The following PCDH15 variants were observed in gnomAD, a reference collection of about 807,000 sequenced individuals.
PCDH15 encodes protocadherin-15.
In PCDH15, 129 loss-of-function variants were observed where a neutral mutation model predicts 178.5. The observed-to-expected ratio is 0.72, with a 90% CI of 0.63 to 0.84. PCDH15 has a LOEUF of 0.84. PCDH15 is among the 40% of genes least tolerant of loss of function. PCDH15 has a pLI of 0.00. For synonymous variants in PCDH15, 800 were observed against 732.0 expected (o/e 1.09, Z -1.50); for missense variants, 2,230 against 2,099.9 (o/e 1.06, Z -1.21).
chr10:53,807,266 G>C, intron 37 of PCDH15, 136 bp from the exon 38 acceptor site: 37 of 655,846 alleles, frequency 5.6e-5, no homozygotes, highest in Non-Finnish European at 8.7e-5. Flanking sequence ...ATAGAAGGAA[G>C]CCAGTCTTTA....
At chr10:54,834,833 G>T (rs531117947) in intron 3 of PCDH15, among the ~76,000 whole-genome samples, 60 of 152,244 alleles carry the variant, frequency 3.9e-4, no homozygotes, top group African/African-American at 1.4e-3. Flanking sequence ...AAGTGGCAAT[G>T]TTGTTTCTAA....
intron 2 of PCDH15, among the ~76,000 whole-genome samples, chr10:55,090,693 C>T (rs117016019): frequency 7.8e-4 from 118 of 152,030 alleles, no homozygotes; most frequent in Non-Finnish European, 1.4e-3. Context: ...TCAACAAACA[C>T]GCAATGTGAG....
At position 54,268,170 on chromosome 10, in the gene PCDH15, A is replaced by G. The variant is rs1027155961; in HGVS notation, c.877-31239T>C. ...CTTTAACATAATTGATAAAAATGCA[A>G]TAGGGAAAGGATACCCTATTCAATT... is the stretch of plus-strand genomic sequence containing the variant. On this transcript the variant is annotated intron_variant, in intron 8 of 37. Transcript: ENST00000644397. 7.2e-5 allele frequency among the ~76,000 whole-genome samples: 11 copies of G among 151,966 alleles called. No individual in the cohort carries two copies. The East Asian group carries it at 1.9e-3, about 27-fold the overall frequency.
intron 7 of PCDH15, among the ~76,000 whole-genome samples, chr10:54,322,193 T>C (rs986125322): frequency 6.6e-6 from 1 of 151,914 alleles, no homozygotes; most frequent in Non-Finnish European, 1.5e-5. Flanking sequence ...ACATTCTAAA[T>C]TGTGAGTGGT....
At chr10:54,566,914 T>C (rs1238223161) in intron 2 of PCDH15, among the ~76,000 whole-genome samples, 1 of 152,218 alleles carries the variant, frequency 6.6e-6, no homozygotes, top group Non-Finnish European at 1.5e-5. Context: ...TTTCAGATTG[T>C]CTTCCAAAGG....
chr10:54,876,199 G>A (rs1329112216), intron 3 of PCDH15, among the ~76,000 whole-genome samples: 1 of 151,972 alleles, frequency 6.6e-6, no homozygotes, highest in Non-Finnish European at 1.5e-5. Flanking sequence ...TCCACAGCAT[G>A]GTTTACTGAA....
At chr10:55,600,953 C>T (rs1187140637) in intron 2 of PCDH15, among the ~76,000 whole-genome samples, 3 of 152,002 alleles carry the variant, frequency 2.0e-5, no homozygotes, top group Non-Finnish European at 2.9e-5. Context: ...ATATTTTCAG[C>T]CATATTTATG....
chr10:54,101,298 A>C (rs2094807631), intron 15 of PCDH15, among the ~76,000 whole-genome samples: 1 of 152,194 alleles, frequency 6.6e-6, no homozygotes, highest in African/African-American at 2.4e-5. Flanking sequence ...TAAATTGCCC[A>C]GTCTCTGGTA....
intron 2 of PCDH15, among the ~76,000 whole-genome samples, chr10:55,143,129 C>T (rs1425921627): frequency 1.3e-5 from 2 of 152,074 alleles, no homozygotes. Context: ...TGCCTTGCTT[C>T]CCCTTTACCT....
intron 10 of PCDH15, among the ~76,000 whole-genome samples, chr10:54,211,785 AGAG>A (rs1393896835): frequency 6.6e-6 from 1 of 152,218 alleles, no homozygotes; most frequent in African/African-American, 2.4e-5. Context: ...GATTTACTAT[AGAG>A]GAGAACTGCC....
At chr10:55,413,838 T>G (rs1052858170) in intron 2 of PCDH15, among the ~76,000 whole-genome samples, 6 of 151,516 alleles carry the variant, frequency 4.0e-5, no homozygotes, top group Admixed American at 4.0e-4. Context: ...CTGAATAAAA[T>G]AAAAATCACA....
At chr10:54,109,581 C>T (rs975515947) in intron 15 of PCDH15, among the ~76,000 whole-genome samples, 2 of 152,008 alleles carry the variant, frequency 1.3e-5, no homozygotes, top group Admixed American at 1.3e-4. Flanking sequence ...GGAAATAAGC[C>T]AGGCACAGAA....
In PCDH15 at chr10:54,527,851, G is replaced by A; in HGVS notation, c.118C>T (p.Pro40Ser). The A allele has an allele frequency of 1.2e-6, 2 of 1,612,114 alleles. No individual in the cohort carries two copies. Among genetic ancestry groups the A allele is most frequent in the Non-Finnish European group, 1.7e-6 (2 of 1,178,598 alleles). The change falls in exon 3 of 38, where the codon CCA becomes TCA. Residue 40 changes from proline to serine, a missense_variant. Pro to Ser is a moderately conservative substitution (Grantham distance 74). Transcript: ENST00000644397. Reference protein sequence around the residue: ...DDCKLARGGPPATIVAIDEES... With the variant: ...DDCKLARGGPSATIVAIDEES... ...TCATCAATAGCAACTATGGTAGCTG[G>A]TGGTCCTCCCCTAGCTAGTTTGCAA...
intron 21 of PCDH15, among the ~76,000 whole-genome samples, chr10:53,968,320 G>T (rs925541111): frequency 2.6e-5 from 4 of 152,160 alleles, no homozygotes; most frequent in African/African-American, 9.7e-5. Flanking sequence ...ATCCACCATT[G>T]CTGAGGCTTG....
rs1021940911 is a variant in PCDH15, at chr10:53,999,616, G to C, written c.2752-3851C>G. ...CTGGCAGTACTCCCCAAGGGTCTTTGATAGTGGCACAGGGTAAGGCTCCTC... is the reference window on the plus strand; with the variant it reads ...CTGGCAGTACTCCCCAAGGGTCTTTCATAGTGGCACAGGGTAAGGCTCCTC... On this transcript the variant is annotated intron_variant, in intron 20 of 37. Coordinates refer to ENST00000644397, the MANE Select transcript of PCDH15 (RefSeq NM_001384140.1). Among the ~76,000 whole-genome samples the C allele has an allele frequency of 3.3e-5, 5 of 152,284 alleles. No individual in the cohort carries two copies. The East Asian group carries it at 9.7e-4, about 29-fold the overall frequency.
chr10:54,172,391 T>C (rs550513866), intron 13 of PCDH15, among the ~76,000 whole-genome samples: 5 of 151,910 alleles, frequency 3.3e-5, no homozygotes, highest in South Asian at 2.1e-4. Context: ...GGCCCCACCC[T>C]TATCTCCCTT....
intron 19 of PCDH15, among the ~76,000 whole-genome samples, chr10:54,022,571 G>C: frequency 6.6e-6 from 1 of 151,926 alleles, no homozygotes; most frequent in East Asian, 1.9e-4. Flanking sequence ...ATTAACTTTT[G>C]CTTCATAAAC....
At chr10:53,947,227 G>A (rs920153968) in intron 23 of PCDH15, among the ~76,000 whole-genome samples, 29 of 152,064 alleles carry the variant, frequency 1.9e-4, no homozygotes, top group Admixed American at 8.5e-4. Context: ...AGTTTTTACC[G>A]TATAAATATA....
At chr10:54,129,020 G>T (rs1481330814) in intron 15 of PCDH15, among the ~76,000 whole-genome samples, 3 of 152,082 alleles carry the variant, frequency 2.0e-5, no homozygotes, top group African/African-American at 7.2e-5. Context: ...TGATGTAATG[G>T]ATAGAGCACT....
Sources: gnomAD v4.1 joint callset for allele counts (sites outside exome capture counted in the v4.1 genomes callset) on GRCh38, gnomAD v4.1.1 for gene constraint, MANE v1.5 for transcripts, NCBI Gene and HGNC (gene_info 2026-07-23, HGNC 2026-07-21) for gene names.